The following TMEM45A variants were observed in gnomAD, a reference collection of about 807,000 sequenced individuals.
The protein encoded by TMEM45A is DNA polymerase-transactivated protein 4.
In TMEM45A, 25 loss-of-function variants were observed where a neutral mutation model predicts 32.0. The ratio of observed to expected loss-of-function variants is 0.78; its 90% CI spans 0.57 to 1.09. TMEM45A has a LOEUF of 1.09. TMEM45A is among the 50% of genes least tolerant of loss of function. The pLI is 0.00. For missense variants in TMEM45A, 302 were observed against 325.0 expected, an observed-to-expected ratio of 0.93 and a Z score of 0.54; for synonymous variants, 122 against 114.8, an observed-to-expected ratio of 1.06 and a Z score of -0.40.
At chr3:100,574,991 A>T (rs950744402) in intron 5 of TMEM45A, among the ~76,000 whole-genome samples, 1 of 152,220 alleles carries the variant, frequency 6.6e-6, no homozygotes, top group African/African-American at 2.4e-5. Flanking sequence ...CTCTCAGAGC[A>T]CAAGTAAAGC....
intron 3 of TMEM45A, among the ~76,000 whole-genome samples, chr3:100,557,933 GA>G (rs1706256803): frequency 2.0e-5 from 3 of 152,190 alleles, no homozygotes; most frequent in Admixed American, 6.5e-5. Context: ...CCAGTGGACT[GA>G]ATTCCTTAAG....
At chr3:100,508,837 A>G (rs1191531439) in intron 1 of TMEM45A, among the ~76,000 whole-genome samples, 2 of 152,146 alleles carry the variant, frequency 1.3e-5, no homozygotes, top group Non-Finnish European at 2.9e-5. Flanking sequence ...ATGGATTAAA[A>G]ACTTTAAGAC....
intron 5 of TMEM45A, chr3:100,571,458 C>A (rs1285040830): frequency 2.0e-5 from 3 of 151,906 alleles, no homozygotes; most frequent in Non-Finnish European, 4.4e-5. Context: ...AATGATAGGT[C>A]CAGTTTCTTA....
At position 100,537,261 on chromosome 3, in the gene TMEM45A, T is replaced by G. The variant is rs558566790; in HGVS notation, c.-3-17948T>G. 2.0e-4 allele frequency among the ~76,000 whole-genome samples: 31 copies of G among 152,198 alleles called. No homozygotes were observed. In the South Asian group the frequency reaches 6.4e-3, roughly 32 times the overall value. On this transcript the variant is annotated intron_variant, in intron 1 of 5. Transcript: ENST00000323523. ...AAAGGAAAATGAGGTTAGATTGAAT[T>G]TCATGGTGTAACCTCTGGGGGAAAG...
intron 5 of TMEM45A, chr3:100,574,146 A>G (rs1268835613): frequency 1.3e-5 from 2 of 152,118 alleles, no homozygotes; most frequent in South Asian, 2.1e-4. Flanking sequence ...CTCTTTTTCT[A>G]TTGATTGGAA....
At chr3:100,574,497 G>A (rs1706640744) in intron 5 of TMEM45A, 1 of 152,168 alleles carries the variant, frequency 6.6e-6, no homozygotes, top group African/African-American at 2.4e-5. Context: ...CTGAAATTGA[G>A]GCAATAATCA....
chr3:100,507,995 G>A lies in TMEM45A; in HGVS notation c.-4+15067G>A, dbSNP rs1708100890. The stretch of plus-strand genomic sequence containing the variant: ...ATAGAGTATTTAAGAGAGAACACAG[G>A]AACTCAGCAGGAAAGTGACAGAAAA... On this transcript the variant is annotated intron_variant, in intron 1 of 5. Transcript: ENST00000323523. Among the ~76,000 whole-genome samples, 5 of 151,252 alleles carry A rather than the reference G, an allele frequency of 3.3e-5. No individual in the cohort carries two copies. In the Admixed American group the frequency reaches 3.3e-4, roughly 10 times the overall value.
At chr3:100,538,190 A>G (rs1705781028) in intron 1 of TMEM45A, among the ~76,000 whole-genome samples, 1 of 152,208 alleles carries the variant, frequency 6.6e-6, no homozygotes, top group South Asian at 2.1e-4. Context: ...AAGGGCTCTC[A>G]GAGGCAGAGA....
intron 1 of TMEM45A, among the ~76,000 whole-genome samples, chr3:100,541,555 G>A (rs1400981126): frequency 6.2e-5 from 8 of 128,564 alleles, no homozygotes; most frequent in Non-Finnish European, 9.4e-5. Flanking sequence ...CTGAGACAGG[G>A]TCTCACTCCT....
intron 4 of TMEM45A, among the ~76,000 whole-genome samples, chr3:100,567,544 A>C (rs1475147801): frequency 6.6e-6 from 1 of 150,580 alleles, no homozygotes; most frequent in Non-Finnish European, 1.5e-5. Flanking sequence ...AAAAAAAAGA[A>C]CATTGGAATT....
chr3:100,565,267 G>A (rs1706408033), intron 4 of TMEM45A, among the ~76,000 whole-genome samples: 2 of 152,170 alleles, frequency 1.3e-5, no homozygotes. Context: ...ATGTACATGA[G>A]TGAGGATTAC....
chr3:100,554,111 T>A (rs1706163059), intron 1 of TMEM45A, among the ~76,000 whole-genome samples: 1 of 152,176 alleles, frequency 6.6e-6, no homozygotes, highest in Non-Finnish European at 1.5e-5. Context: ...TTTTCATTAT[T>A]CTGTTGATGG....
chr3:100,519,972 T>C (rs1705404581), intron 1 of TMEM45A, among the ~76,000 whole-genome samples: 1 of 152,126 alleles, frequency 6.6e-6, no homozygotes, highest in Non-Finnish European at 1.5e-5. Flanking sequence ...TATCCATCCT[T>C]CCCATCCATC....
chr3:100,524,646 C>G (rs1047023310), intron 1 of TMEM45A, among the ~76,000 whole-genome samples: 2 of 152,156 alleles, frequency 1.3e-5, no homozygotes, highest in Non-Finnish European at 2.9e-5. Flanking sequence ...AGTTAACACT[C>G]CACCTTGTCC....
chr3:100,574,332 C>T (rs1706637138), intron 5 of TMEM45A: 2 of 152,092 alleles, frequency 1.3e-5, no homozygotes, highest in Admixed American at 1.3e-4. Flanking sequence ...CCACCGATCC[C>T]ACAGAAATAC....
In TMEM45A at chr3:100,556,929, G is replaced by A. The variant is rs1172888120; in HGVS notation, c.360G>A (p.Val120=). ...GTTTCACCATCAGTTCACTTCCTGT[G>A]TCCTTAACCAAGTTAATGTTGTCAA... is the stretch of plus-strand genomic sequence containing the variant. ...ILCFTISSLP[V]SLTKLMLSNA... The change falls in exon 3 of 6, where the codon GTG becomes GTA. Residue 120 remains valine (V), a synonymous_variant. Coordinates refer to ENST00000323523, the MANE Select transcript of TMEM45A (RefSeq NM_018004.3). 1.2e-6 allele frequency: 2 copies of A among 1,614,066 alleles called. No individual in the cohort carries two copies. Among genetic ancestry groups the A allele is most frequent in the Admixed American group, 1.7e-5 (1 of 60,004 alleles).
chr3:100,567,812 A>C (rs1234524395), intron 4 of TMEM45A, among the ~76,000 whole-genome samples: 1 of 151,608 alleles, frequency 6.6e-6, no homozygotes, highest in Non-Finnish European at 1.5e-5. Context: ...TGAGACGGAG[A>C]CTTGCTCTGT....
At chr3:100,534,068 C>T (rs554077448) in intron 1 of TMEM45A, among the ~76,000 whole-genome samples, 1 of 152,202 alleles carries the variant, frequency 6.6e-6, no homozygotes, top group Non-Finnish European at 1.5e-5. Flanking sequence ...CTTCTGTCTC[C>T]CAGGCTGACT....
chr3:100,503,304 T>A (rs1013528969), intron 1 of TMEM45A, among the ~76,000 whole-genome samples: 1 of 152,042 alleles, frequency 6.6e-6, no homozygotes. Context: ...TGAGGTTCAC[T>A]ATGTTGGCCA....
Sources: gnomAD v4.1 joint callset for allele counts (sites outside exome capture counted in the v4.1 genomes callset) on GRCh38, gnomAD v4.1.1 for gene constraint, MANE v1.5 for transcripts, NCBI Gene and HGNC (gene_info 2026-07-23, HGNC 2026-07-21) for gene names.